HERC2: variants seen among roughly 807,000 people sequenced by gnomAD.
The protein encoded by HERC2 is E3 ubiquitin-protein ligase HERC2.
A neutral mutation model predicts 537.7 loss-of-function variants in HERC2; 102 were observed. The observed-to-expected ratio is 0.19, with a 90% CI of 0.16 to 0.22. The LOEUF (loss-of-function observed/expected upper bound fraction) is 0.22. Among genes scored for constraint, HERC2 ranks in the 10% least tolerant of loss-of-function variants. HERC2 has a pLI of 1.00. For synonymous variants in HERC2, 2,224 were observed against 2,466.2 expected, an observed-to-expected ratio of 0.90 and a Z score of 2.91; for missense variants, 4,236 against 6,198.2, an observed-to-expected ratio of 0.68 and a Z score of 10.63.
intron 31 of HERC2, 118 bp from the exon 32 acceptor site, chr15:28,229,965 G>C: frequency 1.3e-6 from 1 of 770,858 alleles, no homozygotes; most frequent in Non-Finnish European, 2.2e-6. Context: ...GTTAAATTTA[G>C]TAATACATGG....
intron 7 of HERC2, among the ~76,000 whole-genome samples, chr15:28,273,628 C>T (rs2075797450): frequency 6.6e-6 from 1 of 152,174 alleles, no homozygotes. Context: ...CCAGCCGGCT[C>T]AGGAAGTGGA....
intron 40 of HERC2, 115 bp downstream of exon 40, chr15:28,214,540 T>G: frequency 7.7e-7 from 1 of 1,305,246 alleles, no homozygotes. Context: ...CACCTCTGAG[T>G]GACGGCACTG....
rs1274080412 is a variant in HERC2 at position 28,186,603 on chromosome 15, C to T, written c.8799G>A (p.Glu2933=). The T allele has an allele frequency of 3.7e-6, 6 of 1,614,074 alleles. No homozygotes were observed. Among genetic ancestry groups the T allele is most frequent in the Non-Finnish European group, 4.2e-6 (5 of 1,179,988 alleles). Residue 2933 remains glutamate (E), a synonymous_variant, in exon 56 of 93, where the codon GAG becomes GAA. Transcript: ENST00000261609. ...VPFLASDNEE[E]EDEKGNSGSL... is the part of the protein sequence containing the mutation. ...TTCCGCTGTTGCCTTTCTCATCCTCCTCCTCTTCATTATCCGAAGCTAAGA... is the reference window on the plus strand; with the variant it reads ...TTCCGCTGTTGCCTTTCTCATCCTCTTCCTCTTCATTATCCGAAGCTAAGA...
At chr15:28,205,418 T>C (rs866704471) in intron 45 of HERC2, among the ~76,000 whole-genome samples, 7,163 of 119,640 alleles carry the variant, frequency 0.06, 79 homozygotes, top group East Asian at 0.29. Flanking sequence ...GAAGAGCTCA[T>C]GGCCAACCTC....
chr15:28,142,821 C>G lies in HERC2; in HGVS notation c.11544+6G>C, dbSNP rs756007427. 1.3e-6 allele frequency: 2 copies of G among 1,518,034 alleles called. No homozygotes were observed. Among genetic ancestry groups the G allele is most frequent in the Non-Finnish European group, 8.9e-7 (1 of 1,121,990 alleles). 94.0% of individuals were successfully genotyped at this position (1,518,034 alleles called of 1,614,324 possible). The stretch of plus-strand genomic sequence containing the variant: ...TTGTCACTTTAAAAAAGAAGTGAAA[C>G]ATTACCTTAAAGAATGGGCTGTGGA... On this transcript the variant is annotated splice_donor_region_variant and intron_variant, in intron 75 of 92. Transcript: ENST00000261609.
At chr15:28,179,244 C>CAAA in intron 57 of HERC2, 21 bp from the exon 58 acceptor site, 1 of 1,353,938 alleles carries the variant, frequency 7.4e-7, no homozygotes, top group Non-Finnish European at 1.0e-6. Context: ...ATTTTTTTAA[C>CAAA]AAAAAAAAAA....
chr15:28,218,341 C>T (rs998506131), intron 38 of HERC2, 148 bp downstream of exon 38: 1 of 700,448 alleles, frequency 1.4e-6, no homozygotes, highest in African/African-American at 1.8e-5. Flanking sequence ...AGAATTTCTA[C>T]TGTGTAAGCC....
chr15:28,256,056 C>CCATG (rs2075249580), intron 18 of HERC2, 33 bp downstream of exon 18: 1 of 1,604,440 alleles, frequency 6.2e-7, no homozygotes, highest in Non-Finnish European at 8.5e-7. Context: ...ACACCCTGAC[C>CCATG]CATGCCCTCT....
chr15:28,159,335 C>A (rs1311474811), intron 69 of HERC2, among the ~76,000 whole-genome samples: 2 of 152,174 alleles, frequency 1.3e-5, no homozygotes, highest in African/African-American at 2.4e-5. Flanking sequence ...AGAGTGTTTT[C>A]CAACTTGGTT....
chr15:28,233,641 T>C, intron 28 of HERC2, 23 bp downstream of exon 28: 1 of 1,613,824 alleles, frequency 6.2e-7, no homozygotes, highest in Non-Finnish European at 8.5e-7. Context: ...GTACCTAAAG[T>C]ACACAGATAT....
chr15:28,306,880 G>A (rs928671880), intron 2 of HERC2, among the ~76,000 whole-genome samples: 1 of 152,142 alleles, frequency 6.6e-6, no homozygotes, highest in Non-Finnish European at 1.5e-5. Context: ...TGTCACCCAG[G>A]CTGGAGTGCA....
chr15:28,277,981 C>CA (rs1379064814), intron 5 of HERC2, among the ~76,000 whole-genome samples: 14 of 152,066 alleles, frequency 9.2e-5, no homozygotes, highest in Admixed American at 5.9e-4. Context: ...CTCAGCCAGG[C>CA]ACAGTGGCTC....
At chr15:28,264,649 A>C (rs1421885741) in intron 14 of HERC2, among the ~76,000 whole-genome samples, 1 of 152,208 alleles carries the variant, frequency 6.6e-6, no homozygotes, top group Non-Finnish European at 1.5e-5. Flanking sequence ...TTTACTCAAC[A>C]TATCATCGCA....
At chr15:28,277,002 G>C (rs1008215085) in intron 5 of HERC2, among the ~76,000 whole-genome samples, 9 of 152,130 alleles carry the variant, frequency 5.9e-5, no homozygotes, top group Admixed American at 5.9e-4. Context: ...TTGAGTCCAG[G>C]AGTTTGAGGC....
intron 35 of HERC2, among the ~76,000 whole-genome samples, chr15:28,225,039 T>C (rs1274270940): frequency 6.6e-6 from 1 of 152,164 alleles, no homozygotes; most frequent in Non-Finnish European, 1.5e-5. Flanking sequence ...CAAAAGATGA[T>C]CTCAAATCAA....
intron 57 of HERC2, among the ~76,000 whole-genome samples, chr15:28,180,128 G>C (rs1203500488): frequency 1.3e-5 from 2 of 152,220 alleles, no homozygotes; most frequent in African/African-American, 4.8e-5. Flanking sequence ...CATGGTAAGT[G>C]CCCTATGCAG....
intron 23 of HERC2, 152 bp from the exon 24 acceptor site, chr15:28,238,924 T>C (rs567935126): frequency 3.8e-5 from 27 of 703,108 alleles, no homozygotes; most frequent in Non-Finnish European, 6.7e-5. Context: ...ATACCACACA[T>C]ACAAATTCTG....
chr15:28,265,058 G>A lies in HERC2; in HGVS notation c.1870+560C>T, dbSNP rs958113555. 2.0e-5 allele frequency among the ~76,000 whole-genome samples: 3 copies of A among 152,012 alleles called. No homozygotes were observed. Among genetic ancestry groups the A allele is most frequent in the Non-Finnish European group, 4.4e-5 (3 of 68,008 alleles). On this transcript the variant is annotated intron_variant, in intron 14 of 92. Transcript: ENST00000261609. This position sits in a 1 kb window ranked among gnomAD's most constrained non-coding sequence, Gnocchi z 4.0. ...GACAGGTACCCCTGCTGATTATAACGGAAAGACTCCACAACGCCAGAGACA... is the reference window on the plus strand; with the variant it reads ...GACAGGTACCCCTGCTGATTATAACAGAAAGACTCCACAACGCCAGAGACA...
At chr15:28,279,159 A>AT (rs1335037229) in intron 5 of HERC2, among the ~76,000 whole-genome samples, 2 of 152,026 alleles carry the variant, frequency 1.3e-5, no homozygotes, top group Non-Finnish European at 2.9e-5. Flanking sequence ...GCCCCGGCTA[A>AT]TTTTTTTATT....
Sources: gnomAD v4.1 joint callset for allele counts (sites outside exome capture counted in the v4.1 genomes callset) on GRCh38, gnomAD v4.1.1 for gene constraint, Gnocchi (gnomAD v3.1) non-coding constraint, MANE v1.5 for transcripts, NCBI Gene and HGNC (gene_info 2026-07-23, HGNC 2026-07-21) for gene names.